The following STAU1 variants were observed in gnomAD, a reference collection of about 807,000 sequenced individuals.
STAU1 encodes double-stranded RNA-binding protein Staufen homolog 1.
A neutral mutation model predicts 62.9 loss-of-function variants in STAU1; 13 were observed. The observed-to-expected ratio is 0.21, with a 90% CI of 0.13 to 0.33. The LOEUF (loss-of-function observed/expected upper bound fraction) is 0.33, where lower values mean the gene tolerates loss of function less well. Ranked by LOEUF, STAU1 falls within the 10% of genes least tolerant of loss-of-function variation. STAU1 has a pLI of 1.00. For missense variants in STAU1, 571 were observed against 712.1 expected (o/e 0.80, Z 2.25); for synonymous variants, 269 against 265.1 (o/e 1.01, Z -0.14).
At chr20:49,170,038 T>G (rs1318729032) in intron 2 of STAU1, among the ~76,000 whole-genome samples, 1 of 152,128 alleles carries the variant, frequency 6.6e-6, no homozygotes, top group African/African-American at 2.4e-5. Flanking sequence ...TTTCTATGGG[T>G]TGTGGTGAAG....
chr20:49,197,132 GT>G, the STAU1 span, among the ~76,000 whole-genome samples: 1 of 150,186 alleles, frequency 6.7e-6, no homozygotes, highest in Non-Finnish European at 1.5e-5. Context: ...TCCAGCCTGG[GT>G]GACAGAGTGA....
rs139666815 is a variant in STAU1 at position 49,136,948 on chromosome 20, G to A, written c.511-1017C>T. ...CCTGACCTCATGATCCACCCACCTC[G>A]GCTCCCAAAGTGCTGGGATTAAGGC... On this transcript the variant is annotated intron_variant, in intron 5 of 13. Transcript: ENST00000371856. Among the ~76,000 whole-genome samples, 20 of 152,264 alleles carry A rather than the reference G, an allele frequency of 1.3e-4. No homozygotes were observed. The East Asian group carries it at 1.4e-3, about 10-fold the overall frequency.
chr20:49,118,544 T>A (rs2145830688), intron 9 of STAU1, 136 bp from the exon 10 acceptor site: 1 of 673,262 alleles, frequency 1.5e-6, no homozygotes, highest in East Asian at 2.7e-5. Context: ...CTGCCCCACC[T>A]GACCACTGGC....
At chr20:49,201,116 A>C in the STAU1 span, among the ~76,000 whole-genome samples, 1 of 150,412 alleles carries the variant, frequency 6.6e-6, no homozygotes, top group Non-Finnish European at 1.5e-5. Context: ...CAGATCAGTG[A>C]GATCAGTGGT....
At chr20:49,151,069 A>T (rs947622244) in intron 5 of STAU1, among the ~76,000 whole-genome samples, 2 of 152,200 alleles carry the variant, frequency 1.3e-5, no homozygotes, top group African/African-American at 4.8e-5. Flanking sequence ...CCCAGCCTCA[A>T]TCACAGACTC....
At position 49,137,809 on chromosome 20, in the gene STAU1, G is replaced by A. The variant is rs540265761; in HGVS notation, c.511-1878C>T. ...GCCTCCCAAGTAGGTGGGATTACAG[G>A]CACCCACCACCACACCCGGCTAATT... On this transcript the variant is annotated intron_variant, in intron 5 of 13. Transcript: ENST00000371856. 1.2e-4 allele frequency among the ~76,000 whole-genome samples: 18 copies of A among 149,528 alleles called. No homozygotes were observed. In the East Asian group the frequency reaches 3.5e-3, roughly 29 times the overall value.
At chr20:49,122,980 T>C (rs1026518270) in intron 8 of STAU1, 112 bp downstream of exon 8, 3 of 1,118,718 alleles carry the variant, frequency 2.7e-6, no homozygotes, top group Non-Finnish European at 3.6e-6. Flanking sequence ...TGGCAGAACA[T>C]GGCCCACAGG....
chr20:49,218,366 A>T, the STAU1 span, among the ~76,000 whole-genome samples: 1 of 151,432 alleles, frequency 6.6e-6, no homozygotes. Flanking sequence ...CTGGGACTAC[A>T]GGCGCCCGCC....
Position 49,151,703 on chromosome 20 carries a change from T to C in STAU1, c.389A>G (p.Glu130Gly). ...AAATTGCTGTCCTCCCACAGAAAGT[T>C]CCACTTGATAAAGTAAAGGTGGAAC... ...FPVPPLLYQVELSVGGQQFNG... is the reference protein window; with the variant it reads ...FPVPPLLYQVGLSVGGQQFNG... The change falls in exon 5 of 14, where the codon GAA (glutamate) becomes GGA (glycine). Residue 130 changes from glutamate (E) to glycine (G), a missense_variant. By Grantham distance (98) the Glu-to-Gly change is moderately conservative. Around this residue, in one of 3 missense-constraint regions of STAU1, gnomAD observed 414 missense variants for 499.6 expected, o/e 0.83. Transcript: ENST00000371856. The C allele has an allele frequency of 6.2e-7, 1 of 1,611,102 alleles. No homozygotes were observed. Among genetic ancestry groups the C allele is most frequent in the Non-Finnish European group, 8.5e-7 (1 of 1,179,112 alleles).
At chr20:49,212,475 A>G in the STAU1 span, among the ~76,000 whole-genome samples, 2 of 152,060 alleles carry the variant, frequency 1.3e-5, no homozygotes, top group Non-Finnish European at 2.9e-5. Context: ...TCATCACCAC[A>G]CATGGTTACC....
At position 49,126,334 on chromosome 20, in the gene STAU1, G is replaced by A. The variant is rs541310200; in HGVS notation, c.610-1747C>T. Among the ~76,000 whole-genome samples, 3 of 151,756 alleles carry A rather than the reference G, an allele frequency of 2.0e-5. No homozygotes were observed. The South Asian group carries it at 6.2e-4, about 32-fold the overall frequency. Reference sequence around the variant, plus strand: ...CCCAACGCTCTGGGAGGCCAGGGTGGGAGGATCACTTGAGCTCAGAAGTTC... The same window carrying A: ...CCCAACGCTCTGGGAGGCCAGGGTGAGAGGATCACTTGAGCTCAGAAGTTC... On this transcript the variant is annotated intron_variant, in intron 6 of 13. Coordinates refer to ENST00000371856, the MANE Select transcript of STAU1 (RefSeq NM_017453.4).
At chr20:49,121,397 G>C (rs894091406) in intron 8 of STAU1, among the ~76,000 whole-genome samples, 1 of 152,116 alleles carries the variant, frequency 6.6e-6, no homozygotes, top group African/African-American at 2.4e-5. Flanking sequence ...AACAGAGCAA[G>C]TTGACTCCAT....
At chr20:49,122,467 T>C (rs1367032386) in intron 8 of STAU1, among the ~76,000 whole-genome samples, 3 of 152,194 alleles carry the variant, frequency 2.0e-5, no homozygotes, top group African/African-American at 7.2e-5. Context: ...CACACCCACA[T>C]TCCCACCAGT....
chr20:49,175,798 C>CTTTT (rs386393906), intron 1 of STAU1, among the ~76,000 whole-genome samples: 38,590 of 104,330 alleles, frequency 0.37, 9,400 homozygotes, highest in African/African-American at 0.45. Context: ...CTCATAATGC[C>CTTTT]TTTTTTTTTT....
intron 3 of STAU1, among the ~76,000 whole-genome samples, chr20:49,156,783 T>C (rs1039283250): frequency 1.3e-5 from 2 of 152,172 alleles, no homozygotes; most frequent in Admixed American, 1.3e-4. Flanking sequence ...CCTGGTCTTA[T>C]CTTGATAATT....
At chr20:49,130,112 C>T (rs986687257) in intron 6 of STAU1, among the ~76,000 whole-genome samples, 3 of 152,098 alleles carry the variant, frequency 2.0e-5, no homozygotes, top group African/African-American at 7.2e-5. Context: ...GTAGTGTGTA[C>T]ACACTATGTA....
Position 49,141,651 on chromosome 20 carries a change from C to G in STAU1, c.511-5720G>C, listed in dbSNP as rs376008662. Among the ~76,000 whole-genome samples, 30 of 152,256 alleles carry G rather than the reference C, an allele frequency of 2.0e-4. No individual in the cohort carries two copies. The South Asian group carries it at 5.2e-3, about 26-fold the overall frequency. Reference sequence around the variant, plus strand: ...GGCTCATGCCTGTAATCCCAGCACTCTGGAAGGCCAAGGCAGGCGGATCAC... The same window carrying G: ...GGCTCATGCCTGTAATCCCAGCACTGTGGAAGGCCAAGGCAGGCGGATCAC... On this transcript the variant is annotated intron_variant, in intron 5 of 13. Coordinates refer to ENST00000371856, the MANE Select transcript of STAU1 (RefSeq NM_017453.4).
intron 1 of STAU1, among the ~76,000 whole-genome samples, chr20:49,184,797 C>T (rs2093768211): frequency 6.6e-6 from 1 of 152,148 alleles, no homozygotes; most frequent in Non-Finnish European, 1.5e-5. Flanking sequence ...GTGTATCTTT[C>T]CCCATCTTCC....
intron 8 of STAU1, among the ~76,000 whole-genome samples, chr20:49,122,634 T>C (rs549214471): frequency 1.6e-4 from 24 of 152,202 alleles, no homozygotes; most frequent in Non-Finnish European, 2.5e-4. Context: ...AGGATCACAG[T>C]TGGCTGGGCG....
Sources: allele counts gnomAD v4.1 joint callset (sites outside exome capture counted in the v4.1 genomes callset), GRCh38; gene constraint gnomAD v4.1.1; regional missense constraint gnomAD v4.1.1; transcripts MANE v1.5; gene names NCBI Gene and HGNC (gene_info 2026-07-23, HGNC 2026-07-21).